The following CNBD1 variants were observed in gnomAD, a reference collection of about 807,000 sequenced individuals.
The protein encoded by CNBD1 is cyclic nucleotide binding domain containing 1.
A neutral mutation model predicts 54.4 loss-of-function variants in CNBD1; 71 were observed. The observed-to-expected ratio is 1.30, with a 90% CI of 1.08 to 1.59. The LOEUF is 1.59. Ranked by LOEUF, CNBD1 falls within the 40% of genes most tolerant of loss-of-function variation. The pLI is 0.00. For synonymous variants in CNBD1, 182 were observed against 170.7 expected, an observed-to-expected ratio of 1.07 and a Z score of -0.51; for missense variants, 659 against 518.0, an observed-to-expected ratio of 1.27 and a Z score of -2.64.
At chr8:87,350,404 C>T (rs1418199736) in intron 8 of CNBD1, among the ~76,000 whole-genome samples, 1 of 151,784 alleles carries the variant, frequency 6.6e-6, no homozygotes, top group Non-Finnish European at 1.5e-5. Flanking sequence ...CATAATTATG[C>T]CAACAAAATT....
At chr8:87,100,481 T>C (rs948327167) in intron 4 of CNBD1, among the ~76,000 whole-genome samples, 2 of 152,038 alleles carry the variant, frequency 1.3e-5, no homozygotes, top group Non-Finnish European at 2.9e-5. Context: ...AGGTTTTGTT[T>C]GTTTGTTTGT....
intron 10 of CNBD1, among the ~76,000 whole-genome samples, chr8:87,382,288 C>T (rs1279482021): frequency 6.6e-6 from 1 of 151,792 alleles, no homozygotes; most frequent in African/African-American, 2.4e-5. Flanking sequence ...TGACTGCCAA[C>T]AATTTAGAGA....
intron 1 of CNBD1, among the ~76,000 whole-genome samples, chr8:86,871,021 A>C (rs1808436813): frequency 6.6e-6 from 1 of 152,202 alleles, no homozygotes; most frequent in African/African-American, 2.4e-5. Context: ...CCAAGGAGAA[A>C]AGATGGATGT....
chr8:87,223,967 T>C (rs911541674), intron 5 of CNBD1, among the ~76,000 whole-genome samples: 4 of 152,134 alleles, frequency 2.6e-5, no homozygotes, highest in African/African-American at 9.7e-5. Context: ...CATTGTGGTT[T>C]TGATTTGCAT....
At chr8:86,913,808 C>T (rs144709933) in intron 3 of CNBD1, among the ~76,000 whole-genome samples, 83 of 152,194 alleles carry the variant, frequency 5.5e-4, no homozygotes, top group African/African-American at 1.8e-3. Flanking sequence ...TCCTAGCAAG[C>T]GTGGGGGTGC....
At chr8:86,964,150 G>GCTGC (rs2130476482) in intron 4 of CNBD1, among the ~76,000 whole-genome samples, 2 of 298 alleles carry the variant, frequency 6.7e-3, no homozygotes, top group African/African-American at 0.019. Flanking sequence ...GATATCAGGG[G>GCTGC]CTGAAGTCCC....
At chr8:87,408,931 T>A (rs568507362) in intron 2 of CNBD1, among the ~76,000 whole-genome samples, 1 of 151,774 alleles carries the variant, frequency 6.6e-6, no homozygotes, top group African/African-American at 2.4e-5. Flanking sequence ...CATTCCCCCA[T>A]CTCTCTCTCT....
At chr8:87,174,294 A>C (rs147489847) in intron 4 of CNBD1, among the ~76,000 whole-genome samples, 1 of 151,806 alleles carries the variant, frequency 6.6e-6, no homozygotes, top group African/African-American at 2.4e-5. Flanking sequence ...TTCTCTGTGT[A>C]TTTTCAAATA....
chr8:87,186,199 T>C (rs1813472162), intron 4 of CNBD1, among the ~76,000 whole-genome samples: 1 of 152,134 alleles, frequency 6.6e-6, no homozygotes, highest in African/African-American at 2.4e-5. Flanking sequence ...TATAATTAAA[T>C]ACCTATTTGA....
intron 3 of CNBD1, among the ~76,000 whole-genome samples, chr8:86,913,960 T>G (rs13253498): frequency 0.95 from 143,787 of 152,058 alleles, 68,086 homozygotes; most frequent in East Asian, 1. Flanking sequence ...ACTGGGGAAA[T>G]AATTCAGTGA....
intron 10 of CNBD1, among the ~76,000 whole-genome samples, chr8:87,367,129 G>T (rs1356509883): frequency 6.6e-6 from 1 of 151,934 alleles, no homozygotes; most frequent in Non-Finnish European, 1.5e-5. Context: ...GATTATATGT[G>T]GCCTACATAG....
chr8:87,246,703 G>C (rs1807813214), intron 6 of CNBD1, among the ~76,000 whole-genome samples: 1 of 151,952 alleles, frequency 6.6e-6, no homozygotes, highest in Admixed American at 6.6e-5. Context: ...TCAATTGTTA[G>C]CACTCTTCCA....
Position 86,894,035 on chromosome 8 carries a change from A to ATTTTTTTTTTT in CNBD1, c.158+6451_158+6461dup, listed in dbSNP as rs869060076. Among the ~76,000 whole-genome samples, 37 of 52,368 alleles carry ATTTTTTTTTTT rather than the reference A, an allele frequency of 7.1e-4. 6 individuals are homozygous for ATTTTTTTTTTT. The highest frequency in any genetic ancestry group is 1.7e-3 in the Admixed American group (5 of 2,862). The allele number at this position is 52,368 out of a possible 152,430, so 34.4% of individuals were successfully genotyped here. ...TTTATTCATATATTTTAATAGATTA[A>ATTTTTTTTTTT]TTTTTTTTTTTTTTTTTTTTTTTTT... On this transcript the variant is annotated intron_variant, in intron 2 of 10. Coordinates refer to ENST00000518476, the MANE Select transcript of CNBD1 (RefSeq NM_173538.3).
intron 4 of CNBD1, among the ~76,000 whole-genome samples, chr8:87,065,307 C>T (rs1563455269): frequency 1.3e-5 from 2 of 151,832 alleles, no homozygotes; most frequent in Non-Finnish European, 3.0e-5. Flanking sequence ...TTCTCTTGGG[C>T]CTGATTATTT....
chr8:86,986,288 T>A (rs1305695977), intron 4 of CNBD1, among the ~76,000 whole-genome samples: 1 of 152,152 alleles, frequency 6.6e-6, no homozygotes, highest in Admixed American at 6.6e-5. Context: ...GTTTTATATG[T>A]TTATTGGCCA....
At chr8:87,403,287 C>T (rs1807599218) in intron 2 of CNBD1, among the ~76,000 whole-genome samples, 1 of 151,972 alleles carries the variant, frequency 6.6e-6, no homozygotes, top group East Asian at 1.9e-4. Flanking sequence ...TTAGTTTCAT[C>T]TATTTTGGGG....
At chr8:87,191,464 A>G (rs1269314913) in intron 4 of CNBD1, among the ~76,000 whole-genome samples, 1 of 151,964 alleles carries the variant, frequency 6.6e-6, no homozygotes, top group East Asian at 1.9e-4. Flanking sequence ...CTTCAGAGAC[A>G]CCCCCAGAAA....
chr8:87,039,385 A>C (rs1810015655), intron 4 of CNBD1, among the ~76,000 whole-genome samples: 1 of 152,032 alleles, frequency 6.6e-6, no homozygotes, highest in African/African-American at 2.4e-5. Flanking sequence ...AAAAGTTTTG[A>C]TCTTTTCCTT....
chr8:87,287,003 G>C lies in CNBD1; in HGVS notation c.1042+332G>C, dbSNP rs76400299. On this transcript the variant is annotated intron_variant, in intron 8 of 10. Transcript: ENST00000518476. ...ACTAGAGGGTATAGCCACTCACACAGGAGAAAAGGAAAAAAACCATTTTTT... is the reference window on the plus strand; with the variant it reads ...ACTAGAGGGTATAGCCACTCACACACGAGAAAAGGAAAAAAACCATTTTTT... Among the ~76,000 whole-genome samples the C allele has an allele frequency of 5.7e-3, 872 of 152,166 alleles. 19 individuals carry two copies. Among genetic ancestry groups the C allele is most frequent in the African/African-American group, 0.02 (837 of 41,512 alleles).
Sources: gnomAD v4.1 joint callset for allele counts (sites outside exome capture counted in the v4.1 genomes callset) on GRCh38, gnomAD v4.1.1 for gene constraint, MANE v1.5 for transcripts, NCBI Gene and HGNC (gene_info 2026-07-23, HGNC 2026-07-21) for gene names.